Variants in MARK1 observed in about 807,000 individuals in gnomAD.
MARK1 encodes serine/threonine-protein kinase MARK1.
In MARK1, 40 loss-of-function variants were observed where a neutral mutation model predicts 96.3. The observed-to-expected ratio is 0.42, with a 90% CI of 0.32 to 0.54. The LOEUF (loss-of-function observed/expected upper bound fraction) is 0.54. Among genes scored for constraint, MARK1 ranks in the 20% least tolerant of loss-of-function variants. The pLI is 0.16. For synonymous variants in MARK1, 317 were observed against 341.2 expected (o/e 0.93, Z 0.78); for missense variants, 719 against 984.6 (o/e 0.73, Z 3.61).
chr1:220,550,511 C>T (rs1306608351), intron 1 of MARK1, among the ~76,000 whole-genome samples: 1 of 152,158 alleles, frequency 6.6e-6, no homozygotes, highest in African/African-American at 2.4e-5. Context: ...CGCCACCACA[C>T]CCCGCTAATT....
intron 1 of MARK1, among the ~76,000 whole-genome samples, chr1:220,531,061 A>G (rs1328231737): frequency 6.6e-6 from 1 of 152,176 alleles, no homozygotes; most frequent in Non-Finnish European, 1.5e-5. Context: ...GGTAGAAGAC[A>G]TTGTGTAAAT....
intron 11 of MARK1, among the ~76,000 whole-genome samples, chr1:220,632,686 A>G (rs111343110): frequency 3.3e-5 from 5 of 152,320 alleles, no homozygotes; most frequent in African/African-American, 1.2e-4. Context: ...TTAAAATAAA[A>G]TGTATGTCTT....
intron 1 of MARK1, among the ~76,000 whole-genome samples, chr1:220,530,420 T>G (rs976875730): frequency 2.6e-5 from 4 of 152,136 alleles, no homozygotes. Flanking sequence ...ACAGGAACAT[T>G]AAAAAAATGC....
intron 1 of MARK1, among the ~76,000 whole-genome samples, chr1:220,534,215 G>A (rs926933676): frequency 6.6e-6 from 1 of 151,918 alleles, no homozygotes; most frequent in Non-Finnish European, 1.5e-5. Context: ...GGGGGTATAT[G>A]TGTTAATTTG....
chr1:220,615,866 A>C (rs1334345042), intron 6 of MARK1, 73 bp from the exon 7 acceptor site: 1 of 762,594 alleles, frequency 1.3e-6, no homozygotes, highest in Non-Finnish European at 2.3e-6. Flanking sequence ...AATTTATCTA[A>C]ATTGGAGGTG....
intron 1 of MARK1, among the ~76,000 whole-genome samples, chr1:220,550,675 C>T (rs1296376360): frequency 6.6e-6 from 1 of 152,128 alleles, no homozygotes; most frequent in African/African-American, 2.4e-5. Context: ...TCCTGTGTCC[C>T]TTTAAGGAAA....
At chr1:220,642,227 T>A (rs1254967110) in intron 13 of MARK1, among the ~76,000 whole-genome samples, 1 of 152,184 alleles carries the variant, frequency 6.6e-6, no homozygotes, top group African/African-American at 2.4e-5. Flanking sequence ...GGAGTCTGCC[T>A]AAGATGACCA....
chr1:220,558,126 C>G (rs1300060149), intron 1 of MARK1, among the ~76,000 whole-genome samples: 4 of 133,952 alleles, frequency 3.0e-5, no homozygotes, highest in African/African-American at 1.1e-4. Context: ...GAGTGAGACC[C>G]TGTCTCAAAT....
chr1:220,554,329 G>A (rs144950935), intron 1 of MARK1, among the ~76,000 whole-genome samples: 7 of 152,282 alleles, frequency 4.6e-5, no homozygotes, highest in Non-Finnish European at 7.4e-5. Context: ...CTAGATCAGC[G>A]CTTCTAGCTG....
chr1:220,615,352 A>G (rs1666678995), intron 6 of MARK1, among the ~76,000 whole-genome samples: 1 of 152,028 alleles, frequency 6.6e-6, no homozygotes, highest in Non-Finnish European at 1.5e-5. Flanking sequence ...ATTGAATTTC[A>G]TTTTTCCCTC....
chr1:220,569,639 C>G (rs1432073490), intron 1 of MARK1, among the ~76,000 whole-genome samples: 1 of 152,014 alleles, frequency 6.6e-6, no homozygotes, highest in African/African-American at 2.4e-5. Flanking sequence ...TGTTCCAATA[C>G]CATTTGTTGA....
chr1:220,559,240 G>A (rs759818827), intron 1 of MARK1, among the ~76,000 whole-genome samples: 4 of 152,190 alleles, frequency 2.6e-5, no homozygotes, highest in African/African-American at 4.8e-5. Flanking sequence ...GTATCTGTTA[G>A]TAGGTTAGAA....
intron 3 of MARK1, among the ~76,000 whole-genome samples, chr1:220,594,837 A>G (rs917552205): frequency 2.6e-5 from 4 of 152,214 alleles, no homozygotes; most frequent in Non-Finnish European, 5.9e-5. Flanking sequence ...GTGACAATAA[A>G]AAGATCAATG....
At chr1:220,577,604 A>G (rs888998143) in intron 1 of MARK1, among the ~76,000 whole-genome samples, 2 of 152,244 alleles carry the variant, frequency 1.3e-5, no homozygotes, top group Admixed American at 1.3e-4. Flanking sequence ...GAATAAGACC[A>G]GAGAATTTGC....
chr1:220,596,942 A>G (rs940965034), intron 3 of MARK1, among the ~76,000 whole-genome samples: 2 of 152,170 alleles, frequency 1.3e-5, no homozygotes, highest in African/African-American at 4.8e-5. Flanking sequence ...CACTCTAGGT[A>G]CCTTATATAA....
intron 10 of MARK1, among the ~76,000 whole-genome samples, chr1:220,631,404 A>G (rs1333875875): frequency 6.6e-6 from 1 of 152,236 alleles, no homozygotes; most frequent in African/African-American, 2.4e-5. Context: ...AGTGATGCCC[A>G]GCAGGAGGAA....
intron 1 of MARK1, among the ~76,000 whole-genome samples, chr1:220,555,783 G>A (rs770738991): frequency 3.9e-5 from 6 of 152,134 alleles, no homozygotes; most frequent in Non-Finnish European, 5.9e-5. Context: ...TAGGTAGAGA[G>A]AAAGTTTGGG....
At chr1:220,594,528 C>T (rs1665199730) in intron 3 of MARK1, among the ~76,000 whole-genome samples, 1 of 152,094 alleles carries the variant, frequency 6.6e-6, no homozygotes, top group Non-Finnish European at 1.5e-5. Flanking sequence ...GGTATTTACC[C>T]AAGGAAGCTG....
At chr1:220,571,972 C>G (rs1572101203) in intron 1 of MARK1, 1 of 152,372 alleles carries the variant, frequency 6.6e-6, no homozygotes, top group East Asian at 1.9e-4. Flanking sequence ...CTCTTGGGCT[C>G]AAGTGATCCT....
Sources: gnomAD v4.1 joint callset for allele counts (sites outside exome capture counted in the v4.1 genomes callset) on GRCh38, gnomAD v4.1.1 for gene constraint, MANE v1.5 for transcripts, NCBI Gene and HGNC (gene_info 2026-07-23, HGNC 2026-07-21) for gene names.